Variants in NFU1 observed in about 807,000 individuals in gnomAD.
The protein encoded by NFU1 is NFU1 iron-sulfur cluster scaffold homolog, mitochondrial.
Under a neutral mutation model 32.2 loss-of-function variants are expected in NFU1, and 30 were observed. That is an observed-to-expected ratio of 0.93 (90% CI 0.70 to 1.26). The LOEUF (loss-of-function observed/expected upper bound fraction) is 1.26, where lower values mean the gene tolerates loss of function less well. NFU1 is among the 50% of genes most tolerant of loss of function. The pLI is 0.00. For missense variants in NFU1, 306 were observed against 306.6 expected, an observed-to-expected ratio of 1.00 and a Z score of 0.02; for synonymous variants, 112 against 104.6, an observed-to-expected ratio of 1.07 and a Z score of -0.43.
intron 2 of NFU1, among the ~76,000 whole-genome samples, chr2:69,429,560 A>T (rs919266238): frequency 2.0e-5 from 3 of 152,170 alleles, no homozygotes; most frequent in Admixed American, 6.6e-5. Flanking sequence ...ATTTGAGAAA[A>T]ACTACACCTG....
chr2:69,408,686 C>T (rs1429493392), intron 5 of NFU1, among the ~76,000 whole-genome samples: 1 of 136,946 alleles, frequency 7.3e-6, no homozygotes, highest in Non-Finnish European at 1.5e-5. Context: ...CGCCACTGCA[C>T]TCCAGCCTGG....
At position 69,407,317 on chromosome 2, in the gene NFU1, T is replaced by A. The variant is rs188482537; in HGVS notation, c.485-1235A>T. Among the ~76,000 whole-genome samples, 12 of 152,238 alleles carry A rather than the reference T, an allele frequency of 7.9e-5. No homozygotes were observed. The South Asian group carries it at 1.9e-3, about 24-fold the overall frequency. Reference sequence around the variant, plus strand: ...TGAGAAAACCAAAAATATGGAGATTTCATATTACGTTATAACAAACACTAG... The same window carrying A: ...TGAGAAAACCAAAAATATGGAGATTACATATTACGTTATAACAAACACTAG... On this transcript the variant is annotated intron_variant, in intron 5 of 7. Transcript: ENST00000410022.
At chr2:69,425,720 G>C (rs774848663) in intron 2 of NFU1, among the ~76,000 whole-genome samples, 1 of 150,196 alleles carries the variant, frequency 6.7e-6, no homozygotes, top group East Asian at 2.0e-4. Flanking sequence ...TCCTTGCCTC[G>C]AGTGATCCAC....
chr2:69,417,954 T>G (rs1305338924), intron 4 of NFU1, among the ~76,000 whole-genome samples: 2 of 151,932 alleles, frequency 1.3e-5, no homozygotes, highest in Non-Finnish European at 2.9e-5. Flanking sequence ...CTAAATAACT[T>G]TAAAAAATAA....
At chr2:69,424,219 A>ATATCTCTCTC (rs1427664911) in intron 2 of NFU1, among the ~76,000 whole-genome samples, 6 of 126,872 alleles carry the variant, frequency 4.7e-5, no homozygotes, top group African/African-American at 1.7e-4. Context: ...ATATATATAT[A>ATATCTCTCTC]TCTCAATATA....
Position 69,400,421 on chromosome 2 carries a change from T to C in NFU1, c.663A>G (p.Lys221=), listed in dbSNP as rs1326046898. Residue 221 remains lysine (K), a synonymous_variant, in exon 7 of 8, where the codon AAA becomes AAG. Coordinates refer to ENST00000410022, the MANE Select transcript of NFU1 (RefSeq NM_001002755.4). ...TSCPSSIITL[K]NGIQNMLQFY... ...ACTGCAGCATGTTCTGAATTCCATTTTTCAGAGTAATGATTGAACTAGGGC... is the reference window on the plus strand; with the variant it reads ...ACTGCAGCATGTTCTGAATTCCATTCTTCAGAGTAATGATTGAACTAGGGC... 1.2e-6 allele frequency: 2 copies of C among 1,614,048 alleles called. No individual in the cohort carries two copies. The highest frequency in any genetic ancestry group is 2.7e-5 in the African/African-American group (2 of 74,946).
chr2:69,412,178 G>T (rs1164070588), intron 5 of NFU1, among the ~76,000 whole-genome samples: 1 of 151,518 alleles, frequency 6.6e-6, no homozygotes, highest in South Asian at 2.1e-4. Context: ...AGCCTCCCAA[G>T]TAGCTGGGAC....
chr2:69,439,293 G>C (rs1264648865), upstream of NFU1, among the ~76,000 whole-genome samples: 2 of 152,146 alleles, frequency 1.3e-5, no homozygotes, highest in African/African-American at 2.4e-5. Flanking sequence ...CTAACTTCAA[G>C]AATGAAGCCA....
At chr2:69,418,227 C>T (rs1036051032) in intron 4 of NFU1, among the ~76,000 whole-genome samples, 8 of 152,006 alleles carry the variant, frequency 5.3e-5, no homozygotes, top group African/African-American at 1.9e-4. Flanking sequence ...TGGCGAAACC[C>T]TATCTCTACA....
At chr2:69,421,545 C>T (rs919647159) in intron 3 of NFU1, among the ~76,000 whole-genome samples, 1 of 135,858 alleles carries the variant, frequency 7.4e-6, no homozygotes, top group African/African-American at 2.7e-5. Context: ...TTCATCCCAA[C>T]AATTTTATCA....
chr2:69,403,040 T>C (rs1672578245), intron 6 of NFU1, among the ~76,000 whole-genome samples: 1 of 149,950 alleles, frequency 6.7e-6, no homozygotes, highest in Middle Eastern at 3.4e-3. Flanking sequence ...TCTCTCTTTC[T>C]TTCTCTTTCT....
In NFU1 at chr2:69,400,471, T is replaced by G. The variant is rs773726192; in HGVS notation, c.613A>C (p.Lys205Gln). The G allele has an allele frequency of 4.3e-6, 7 of 1,614,046 alleles. No individual in the cohort carries two copies. In the African/African-American group the frequency reaches 8.0e-5, roughly 18 times the overall value. ...KGFEDGIVQL[K>Q]LQGSCTSCPS... ...CAGCTGGTACAAGAACCCTGGAGTTTCAGCTGTACAATGCCATCTTCAAAG... is the reference window on the plus strand; with the variant it reads ...CAGCTGGTACAAGAACCCTGGAGTTGCAGCTGTACAATGCCATCTTCAAAG... Residue 205 changes from lysine (K) to glutamine (Q), a missense_variant, in exon 7 of 8, where the codon AAA becomes CAA. Physicochemically the swap from Lys to Gln is moderately conservative, Grantham distance 53. Transcript: ENST00000410022.
chr2:69,438,126 C>CA (rs533739839), upstream of NFU1, among the ~76,000 whole-genome samples: 2 of 150,504 alleles, frequency 1.3e-5, no homozygotes, highest in Non-Finnish European at 1.5e-5. Context: ...GACTAGGGGC[C>CA]AAAAAAAAGC....
chr2:69,418,422 A>C lies in NFU1; in HGVS notation c.369+1116T>G, dbSNP rs184296623. Among the ~76,000 whole-genome samples, 45 of 152,200 alleles carry C rather than the reference A, an allele frequency of 3.0e-4. No individual in the cohort carries two copies. In the East Asian group the frequency reaches 7.7e-3, roughly 26 times the overall value. ...TCTAAATAAATAGCCGCAAGAGAAT[A>C]CTGGACTAGATGACTAGATTTAACA... On this transcript the variant is annotated intron_variant, in intron 4 of 7. Transcript: ENST00000410022.
intron 7 of NFU1, 111 bp downstream of exon 7, chr2:69,400,253 G>A: frequency 1.0e-6 from 1 of 988,644 alleles, no homozygotes; most frequent in Non-Finnish European, 1.6e-6. Flanking sequence ...AAAAAGCTAG[G>A]TCATGAACTT....
intron 2 of NFU1, among the ~76,000 whole-genome samples, chr2:69,425,573 T>G: frequency 6.6e-6 from 1 of 151,994 alleles, no homozygotes; most frequent in Non-Finnish European, 1.5e-5. Flanking sequence ...CCAGCTGGTC[T>G]CAAACTCCTG....
Position 69,421,367 on chromosome 2 carries a change from G to A in NFU1, c.303-1763C>T, listed in dbSNP as rs112416459. On this transcript the variant is annotated intron_variant, in intron 3 of 7. Coordinates refer to ENST00000410022, the MANE Select transcript of NFU1 (RefSeq NM_001002755.4). ...TAGCAAATCCCTAGGTTCCTTAAAC[G>A]AGACATATAAAATGGCTGTACGTAT... Among the ~76,000 whole-genome samples the A allele has an allele frequency of 1.0e-3, 152 of 151,874 alleles. 2 individuals are homozygous for A. Among genetic ancestry groups the A allele is most frequent in the African/African-American group, 2.9e-3 (120 of 41,430 alleles).
At chr2:69,405,121 C>T (rs1399095351) in intron 6 of NFU1, among the ~76,000 whole-genome samples, 1 of 152,062 alleles carries the variant, frequency 6.6e-6, no homozygotes, top group African/African-American at 2.4e-5. Flanking sequence ...GTGGCCTGTG[C>T]CTGTAATCCC....
At chr2:69,437,152 A>G (rs1558858569) in intron 1 of NFU1, 1 of 1,127,322 alleles carries the variant, frequency 8.9e-7, no homozygotes, top group Non-Finnish European at 1.2e-6. Flanking sequence ...AGGAAGCTCC[A>G]GAGAGTCCGC....
Sources: allele counts gnomAD v4.1 joint callset (sites outside exome capture counted in the v4.1 genomes callset), GRCh38; gene constraint gnomAD v4.1.1; transcripts MANE v1.5; gene names NCBI Gene and HGNC (gene_info 2026-07-23, HGNC 2026-07-21).